Variants in CDH13 observed in about 807,000 individuals in gnomAD.
CDH13 encodes cadherin-13.
In CDH13, 24 loss-of-function variants were observed where a neutral mutation model predicts 63.8. That is an observed-to-expected ratio of 0.38 (90% CI 0.27 to 0.53). CDH13 has a LOEUF of 0.53. Ranked by LOEUF, CDH13 falls within the 20% of genes least tolerant of loss-of-function variation. CDH13 has a pLI of 0.85. For synonymous variants in CDH13, 503 were observed against 355.3 expected (o/e 1.42, Z -4.67); for missense variants, 1,049 against 903.1 (o/e 1.16, Z -2.07).
intron 1 of CDH13, among the ~76,000 whole-genome samples, chr16:82,736,551 C>T (rs1288068932): frequency 6.6e-6 from 1 of 152,132 alleles, no homozygotes; most frequent in Admixed American, 6.5e-5. Context: ...CATCCCATTC[C>T]AATGCCTGGT....
At chr16:83,049,753 C>T (rs1326168291) in intron 3 of CDH13, among the ~76,000 whole-genome samples, 1 of 152,180 alleles carries the variant, frequency 6.6e-6, no homozygotes, top group Admixed American at 6.5e-5. Context: ...ACCCATTCAT[C>T]TGTTGATGGC....
intron 10 of CDH13, chr16:83,721,499 C>A (rs1419688550): frequency 6.6e-6 from 1 of 152,204 alleles, no homozygotes. Context: ...CAGTGCGCTG[C>A]CTTGCAGTTA....
chr16:83,145,077 AT>A (rs763751661), intron 4 of CDH13, among the ~76,000 whole-genome samples: 1 of 152,110 alleles, frequency 6.6e-6, no homozygotes, highest in African/African-American at 2.4e-5. Context: ...ATTATATTCA[AT>A]TTTGGGTCTC....
At chr16:83,200,739 A>G (rs903870426) in intron 4 of CDH13, among the ~76,000 whole-genome samples, 1 of 152,206 alleles carries the variant, frequency 6.6e-6, no homozygotes, top group Non-Finnish European at 1.5e-5. Flanking sequence ...ACTTTGCCAA[A>G]GCATTTATTG....
At chr16:82,643,220 C>G (rs1909636767) in intron 1 of CDH13, among the ~76,000 whole-genome samples, 1 of 152,162 alleles carries the variant, frequency 6.6e-6, no homozygotes, top group Non-Finnish European at 1.5e-5. Flanking sequence ...TTACACATGT[C>G]TAAATAAAAC....
At chr16:82,765,965 A>C (rs1306650188) in intron 1 of CDH13, among the ~76,000 whole-genome samples, 10 of 152,170 alleles carry the variant, frequency 6.6e-5, no homozygotes, top group Non-Finnish European at 1.5e-5. Flanking sequence ...GTGAGTTCAG[A>C]ATGCACGTCT....
intron 11 of CDH13, among the ~76,000 whole-genome samples, chr16:83,764,550 T>C (rs534718136): frequency 6.6e-6 from 1 of 152,314 alleles, no homozygotes; most frequent in South Asian, 2.1e-4. Context: ...TCCCCAGCTT[T>C]ATATTGGCAT....
chr16:82,987,477 A>G (rs933972205), intron 2 of CDH13, among the ~76,000 whole-genome samples: 4 of 152,144 alleles, frequency 2.6e-5, no homozygotes, highest in Admixed American at 6.6e-5. Context: ...TCTAGGTTCA[A>G]GCAATTCTCC....
chr16:83,627,956 C>G (rs1363894547), intron 8 of CDH13, among the ~76,000 whole-genome samples: 3 of 152,160 alleles, frequency 2.0e-5, no homozygotes, highest in Non-Finnish European at 4.4e-5. Context: ...GCTTTTTAGA[C>G]CGTATAGGGT....
At chr16:83,306,885 C>A (rs1008740525) in intron 5 of CDH13, among the ~76,000 whole-genome samples, 1 of 152,032 alleles carries the variant, frequency 6.6e-6, no homozygotes, top group East Asian at 1.9e-4. Context: ...TATAGCAACA[C>A]GAAATGGGCT....
chr16:82,736,776 G>A (rs901865271), intron 1 of CDH13, among the ~76,000 whole-genome samples: 15 of 151,990 alleles, frequency 9.9e-5, no homozygotes, highest in Admixed American at 7.2e-4. Flanking sequence ...TCACTCCTTC[G>A]GGCAATTTGA....
intron 13 of CDH13, among the ~76,000 whole-genome samples, chr16:83,792,131 G>A (rs936224825): frequency 2.0e-5 from 3 of 152,194 alleles, no homozygotes; most frequent in Non-Finnish European, 2.9e-5. Context: ...GGACAGACAC[G>A]GCCTGCAAAG....
At chr16:82,940,643 C>G (rs776480464) in intron 2 of CDH13, among the ~76,000 whole-genome samples, 7 of 152,206 alleles carry the variant, frequency 4.6e-5, no homozygotes, top group Non-Finnish European at 8.8e-5. Context: ...TTGTAGAAAA[C>G]TAATCAGCGT....
At chr16:82,715,931 C>T (rs930674051) in intron 1 of CDH13, among the ~76,000 whole-genome samples, 10 of 152,182 alleles carry the variant, frequency 6.6e-5, no homozygotes, top group South Asian at 2.1e-4. Flanking sequence ...TTACCAGATG[C>T]CTTTTATGAG....
intron 5 of CDH13, among the ~76,000 whole-genome samples, chr16:83,324,952 T>A (rs1298473195): frequency 6.6e-6 from 1 of 152,170 alleles, no homozygotes; most frequent in African/African-American, 2.4e-5. Flanking sequence ...CCATGTCACC[T>A]TTCCCACTTC....
intron 2 of CDH13, among the ~76,000 whole-genome samples, chr16:83,022,564 G>A (rs577813915): frequency 3.2e-4 from 48 of 152,334 alleles, no homozygotes; most frequent in African/African-American, 4.6e-4. Context: ...TCCAAGACTA[G>A]CACATCACTG....
chr16:83,044,690 G>A (rs1181352246), intron 3 of CDH13, among the ~76,000 whole-genome samples: 2 of 152,158 alleles, frequency 1.3e-5, no homozygotes, highest in Non-Finnish European at 2.9e-5. Flanking sequence ...GGATGCAGAT[G>A]GTGTGTTTTT....
chr16:83,743,199 C>T (rs1444394103), intron 10 of CDH13, among the ~76,000 whole-genome samples: 2 of 152,070 alleles, frequency 1.3e-5, no homozygotes, highest in African/African-American at 4.8e-5. Context: ...CAGAGCAAGA[C>T]TCCGTCTCAA....
At chr16:83,220,301 T>C (rs1210936255) in intron 5 of CDH13, among the ~76,000 whole-genome samples, 3 of 152,338 alleles carry the variant, frequency 2.0e-5, no homozygotes, top group African/African-American at 7.2e-5. Flanking sequence ...GTTACTCTCA[T>C]GTTGGTCTAC....
Sources: allele counts gnomAD v4.1 joint callset (sites outside exome capture counted in the v4.1 genomes callset), GRCh38; gene constraint gnomAD v4.1.1; transcripts MANE v1.5; gene names NCBI Gene and HGNC (gene_info 2026-07-23, HGNC 2026-07-21).